PPARGC1A: variants seen among roughly 807,000 people sequenced by gnomAD.
PPARGC1A encodes peroxisome proliferator-activated receptor gamma coactivator 1-alpha.
Under a neutral mutation model 88.7 loss-of-function variants are expected in PPARGC1A, and 25 were observed. The observed-to-expected ratio is 0.28, with a 90% confidence interval of 0.21 to 0.39. The LOEUF (loss-of-function observed/expected upper bound fraction) is 0.39, where lower values mean the gene tolerates loss of function less well. Ranked by LOEUF, PPARGC1A falls within the 10% of genes least tolerant of loss-of-function variation. The probability of loss-of-function intolerance (pLI) is 1.00; values close to 1 mark genes in which losing one functional copy is unlikely to be tolerated. For synonymous variants in PPARGC1A, 363 were observed against 355.6 expected, an observed-to-expected ratio of 1.02 and a Z score of -0.24; for missense variants, 880 against 968.7, an observed-to-expected ratio of 0.91 and a Z score of 1.22.
chr4:24,236,060 G>A, the PPARGC1A span, among the ~76,000 whole-genome samples: 1 of 152,226 alleles, frequency 6.6e-6, no homozygotes, highest in South Asian at 2.1e-4. Context: ...AATCCTTGCT[G>A]TGGGACGGCA....
chr4:23,962,703 C>T, the PPARGC1A span, among the ~76,000 whole-genome samples: 2 of 152,168 alleles, frequency 1.3e-5, no homozygotes, highest in African/African-American at 4.8e-5. Flanking sequence ...CAGGTGGGAG[C>T]CTGCACGTAC....
the PPARGC1A span, among the ~76,000 whole-genome samples, chr4:23,997,436 A>T: frequency 6.6e-6 from 1 of 151,470 alleles, no homozygotes; most frequent in Non-Finnish European, 1.5e-5. Context: ...AAGCAACTGT[A>T]GCAGGCAAGA....
chr4:24,143,083 T>A, the PPARGC1A span, among the ~76,000 whole-genome samples: 1 of 152,326 alleles, frequency 6.6e-6, no homozygotes, highest in East Asian at 1.9e-4. Context: ...TTGAAAAACA[T>A]GCATACATGT....
the PPARGC1A span, among the ~76,000 whole-genome samples, chr4:24,191,380 C>G: frequency 2.6e-4 from 39 of 152,302 alleles, no homozygotes; most frequent in African/African-American, 8.2e-4. Context: ...GGAGGCGATT[C>G]GCAAAAGGTT....
the PPARGC1A span, among the ~76,000 whole-genome samples, chr4:23,980,299 TC>T: frequency 6.6e-6 from 1 of 152,008 alleles, no homozygotes; most frequent in Non-Finnish European, 1.5e-5. Flanking sequence ...TAGCTCCCTT[TC>T]TTTATCATTT....
At chr4:23,926,535 C>A in the PPARGC1A span, among the ~76,000 whole-genome samples, 2 of 152,180 alleles carry the variant, frequency 1.3e-5, no homozygotes, top group African/African-American at 4.8e-5. Context: ...CTAGAGAAAG[C>A]GCTTGAACAT....
At chr4:23,954,101 C>G in the PPARGC1A span, among the ~76,000 whole-genome samples, 1 of 151,928 alleles carries the variant, frequency 6.6e-6, no homozygotes, top group African/African-American at 2.4e-5. Context: ...TGGACACTGG[C>G]TAGCTTTATC....
At chr4:24,029,782 G>GA in the PPARGC1A span, among the ~76,000 whole-genome samples, 12 of 150,278 alleles carry the variant, frequency 8.0e-5, no homozygotes, top group East Asian at 2.0e-4. Flanking sequence ...AAAACCACAG[G>GA]AAAAAAAAAT....
the PPARGC1A span, among the ~76,000 whole-genome samples, chr4:24,022,720 T>C: frequency 1.3e-5 from 2 of 152,188 alleles, no homozygotes; most frequent in Non-Finnish European, 2.9e-5. Context: ...GCAATAAGGA[T>C]AGGGATCGGG....
the PPARGC1A span, among the ~76,000 whole-genome samples, chr4:24,150,835 A>G: frequency 6.6e-6 from 1 of 152,110 alleles, no homozygotes; most frequent in African/African-American, 2.4e-5. Context: ...TCTCTTGTGC[A>G]TTATACCATG....
the PPARGC1A span, among the ~76,000 whole-genome samples, chr4:24,112,785 A>G: frequency 6.6e-6 from 1 of 152,142 alleles, no homozygotes; most frequent in Non-Finnish European, 1.5e-5. Flanking sequence ...CCACAAATTT[A>G]AATGTGCTCA....
chr4:24,354,730 CA>C, the PPARGC1A span, among the ~76,000 whole-genome samples: 1 of 151,818 alleles, frequency 6.6e-6, no homozygotes, highest in Non-Finnish European at 1.5e-5. Context: ...ACTAAAAATA[CA>C]AAAAAATTAG....
At chr4:24,282,290 C>A in the PPARGC1A span, among the ~76,000 whole-genome samples, 5 of 152,174 alleles carry the variant, frequency 3.3e-5, no homozygotes, top group African/African-American at 1.2e-4. Context: ...CCAAGCAATT[C>A]CCTAACCTAC....
At position 23,813,026 on chromosome 4, in the gene PPARGC1A, C is replaced by G; in HGVS notation, c.1893G>C (p.Arg631=). Residue 631 remains arginine, a synonymous_variant, in exon 9 of 13, where the codon CGG becomes CGC. Coordinates refer to ENST00000264867, the MANE Select transcript of PPARGC1A (RefSeq NM_013261.5). ...RSRSRSPYSR[R]PRYDSYEEYQ... ...AAAATGACATGCCTCATTACCTGGGCCGACGGCTGTAGGGCGATCTTGAAC... is the reference window on the plus strand; with the variant it reads ...AAAATGACATGCCTCATTACCTGGGGCGACGGCTGTAGGGCGATCTTGAAC... 1 of 1,613,974 alleles carries G rather than the reference C, an allele frequency of 6.2e-7. No individual in the cohort carries two copies. Among genetic ancestry groups the G allele is most frequent in the Non-Finnish European group, 8.5e-7 (1 of 1,179,924 alleles).
At chr4:23,801,477 CACAT>C (rs770004875) in intron 12 of PPARGC1A, among the ~76,000 whole-genome samples, 7 of 152,114 alleles carry the variant, frequency 4.6e-5, no homozygotes, top group Non-Finnish European at 8.8e-5. Flanking sequence ...ACACAATATC[CACAT>C]ACATACCTAC....
chr4:24,007,602 C>G, the PPARGC1A span, among the ~76,000 whole-genome samples: 1 of 152,060 alleles, frequency 6.6e-6, no homozygotes, highest in South Asian at 2.1e-4. Context: ...AATTTAGGAT[C>G]CAAAGGTTTT....
chr4:23,910,316 TTA>T, the PPARGC1A span, among the ~76,000 whole-genome samples: 16,966 of 64,008 alleles, frequency 0.27, 3,059 homozygotes, highest in African/African-American at 0.47. Flanking sequence ...ATATATAATA[TTA>T]TATATATTAT....
chr4:24,332,131 T>C, the PPARGC1A span, among the ~76,000 whole-genome samples: 1 of 152,006 alleles, frequency 6.6e-6, no homozygotes, highest in African/African-American at 2.4e-5. Flanking sequence ...TTTTTGTTAT[T>C]GTTTTGTTTT....
chr4:23,859,780 CAAAAT>C (rs66852812), intron 2 of PPARGC1A, among the ~76,000 whole-genome samples: 7,375 of 117,464 alleles, frequency 0.063, 85 homozygotes, highest in East Asian at 0.11. Context: ...GACACCGTCT[CAAAAT>C]AAAATAAAAT....
Sources: allele counts gnomAD v4.1 joint callset (sites outside exome capture counted in the v4.1 genomes callset), GRCh38; gene constraint gnomAD v4.1.1; transcripts MANE v1.5; gene names NCBI Gene and HGNC (gene_info 2026-07-23, HGNC 2026-07-21).